The following MTMR7 variants were observed in gnomAD, a reference collection of about 807,000 sequenced individuals.
The protein encoded by MTMR7 is myotubularin related protein 7.
A neutral mutation model predicts 81.2 loss-of-function variants in MTMR7; 76 were observed. The observed-to-expected ratio is 0.94, with a 90% CI of 0.78 to 1.13. MTMR7 has a LOEUF of 1.13. Among genes scored for constraint, MTMR7 ranks in the 50% most tolerant of loss-of-function variants. MTMR7 has a pLI of 0.00. For synonymous variants in MTMR7, 372 were observed against 289.8 expected, an observed-to-expected ratio of 1.28 and a Z score of -2.88; for missense variants, 1,044 against 820.0, an observed-to-expected ratio of 1.27 and a Z score of -3.34.
At chr8:17,367,259 G>A (rs911431853) in intron 3 of MTMR7, among the ~76,000 whole-genome samples, 2 of 151,990 alleles carry the variant, frequency 1.3e-5, no homozygotes, top group East Asian at 3.9e-4. Flanking sequence ...TAGGAAAAGG[G>A]GGAAAACAAA....
intron 1 of MTMR7, among the ~76,000 whole-genome samples, chr8:17,398,801 C>T (rs1053367965): frequency 2.0e-5 from 3 of 150,730 alleles, no homozygotes; most frequent in Non-Finnish European, 1.5e-5. Context: ...AGAGATGCAA[C>T]AAAAAAGTTA....
intron 1 of MTMR7, among the ~76,000 whole-genome samples, chr8:17,379,803 GT>G (rs977686531): frequency 6.6e-6 from 1 of 152,002 alleles, no homozygotes; most frequent in East Asian, 1.9e-4. Context: ...TTTTGTTTTT[GT>G]TTTTTTAATT....
At chr8:17,366,941 C>T (rs1284600464) in intron 3 of MTMR7, among the ~76,000 whole-genome samples, 1 of 147,430 alleles carries the variant, frequency 6.8e-6, no homozygotes, top group African/African-American at 2.6e-5. Flanking sequence ...GAAGATAATA[C>T]AGCTATTACT....
intron 1 of MTMR7, among the ~76,000 whole-genome samples, chr8:17,400,697 ATT>A (rs1821400997): frequency 6.6e-6 from 1 of 152,234 alleles, no homozygotes; most frequent in African/African-American, 2.4e-5. Context: ...ATTGCACAAT[ATT>A]TAACAGCTGT....
At position 17,302,257 on chromosome 8, in the gene MTMR7, C is replaced by T. The variant is rs750208861; in HGVS notation, c.1517G>A (p.Arg506His). The change falls in exon 13 of 14, where the codon CGC becomes CAC. Residue 506 changes from arginine to histidine, a missense_variant. Physicochemically the swap from Arg to His is conservative, Grantham distance 29 (BLOSUM62 0). Coordinates refer to ENST00000180173, the MANE Select transcript of MTMR7 (RefSeq NM_004686.5). ...MYKFWSGMYN[R>H]FEKGMQPRQS... ...TCGGGGCTGCATCCCCTTTTCAAAG[C>T]GGTTATACATTCCACTCCAAAACCT... 24 of 1,613,860 alleles carry T rather than the reference C, an allele frequency of 1.5e-5. No homozygotes were observed. Among genetic ancestry groups the T allele is most frequent in the African/African-American group, 6.7e-5 (5 of 75,008 alleles).
At chr8:17,375,683 A>G (rs947442980) in intron 1 of MTMR7, among the ~76,000 whole-genome samples, 5 of 152,294 alleles carry the variant, frequency 3.3e-5, no homozygotes, top group Middle Eastern at 3.4e-3. Flanking sequence ...GAGTTTTTAT[A>G]ACTGCGTCCT....
chr8:17,365,443 C>T (rs1820195277), intron 3 of MTMR7, among the ~76,000 whole-genome samples: 1 of 152,152 alleles, frequency 6.6e-6, no homozygotes, highest in South Asian at 2.1e-4. Flanking sequence ...TTTGCCCACT[C>T]TAGGAAGGTC....
intron 13 of MTMR7, among the ~76,000 whole-genome samples, chr8:17,300,692 C>T (rs906883420): frequency 1.2e-4 from 18 of 152,172 alleles, no homozygotes; most frequent in South Asian, 6.2e-4. Flanking sequence ...GGTTGTGCAA[C>T]GATCACTACT....
intron 6 of MTMR7, among the ~76,000 whole-genome samples, chr8:17,332,720 A>G (rs1019849469): frequency 1.8e-4 from 27 of 152,162 alleles, no homozygotes; most frequent in Non-Finnish European, 2.9e-5. Context: ...TAAGTCAGAG[A>G]CCCTCTGTGC....
chr8:17,409,377 C>G (rs547746352), intron 1 of MTMR7, among the ~76,000 whole-genome samples: 2 of 152,162 alleles, frequency 1.3e-5, no homozygotes, highest in East Asian at 1.9e-4. Context: ...GGAGAATCAC[C>G]TGAACCCAGG....
Position 17,311,586 on chromosome 8 carries a change from C to T in MTMR7, c.1026G>A (p.Trp342Ter). ...CCGAGCACACCTGAGCGGTCCTGTC[C>T]CAGCCATCAGAACAGTGAACAAGCA... ...ASVLVHCSDGWDRTAQVCSVA... is the reference protein window; with the variant it reads ...ASVLVHCSDG Residue 342 changes from tryptophan to a stop codon, truncating the protein, a stop_gained, in exon 9 of 14, where the codon TGG (tryptophan) becomes TGA (stop). Coordinates refer to ENST00000180173, the MANE Select transcript of MTMR7 (RefSeq NM_004686.5). LOFTEE classifies it high-confidence loss of function. 1 of 1,614,108 alleles carries T rather than the reference C, an allele frequency of 6.2e-7. No individual in the cohort carries two copies. Among genetic ancestry groups the T allele is most frequent in the Non-Finnish European group, 8.5e-7 (1 of 1,180,022 alleles).
At chr8:17,312,339 C>T (rs1817827138) in intron 8 of MTMR7, among the ~76,000 whole-genome samples, 1 of 152,140 alleles carries the variant, frequency 6.6e-6, no homozygotes, top group Non-Finnish European at 1.5e-5. Flanking sequence ...CTTTGGGAGG[C>T]CGTGGCGGGT....
At chr8:17,301,235 G>A (rs1817089933) in intron 13 of MTMR7, among the ~76,000 whole-genome samples, 1 of 152,200 alleles carries the variant, frequency 6.6e-6, no homozygotes, top group Non-Finnish European at 1.5e-5. Flanking sequence ...GCAGAGAGAG[G>A]CAGAGTTCAT....
intron 7 of MTMR7, among the ~76,000 whole-genome samples, chr8:17,316,293 ATATT>A (rs1273969035): frequency 2.0e-5 from 3 of 152,044 alleles, no homozygotes; most frequent in East Asian, 1.9e-4. Context: ...ATTTACATAT[ATATT>A]ATAGTCTGCA....
intron 4 of MTMR7, among the ~76,000 whole-genome samples, chr8:17,349,879 T>C (rs925031418): frequency 1.3e-5 from 2 of 152,184 alleles, no homozygotes; most frequent in Admixed American, 1.3e-4. Context: ...TGGCTCTGAC[T>C]GAGCAACTTC....
intron 8 of MTMR7, 159 bp from the exon 9 acceptor site, chr8:17,311,795 G>C (rs1297331255): frequency 1.8e-6 from 2 of 1,128,312 alleles, no homozygotes; most frequent in African/African-American, 3.1e-5. Context: ...TTAGGGCAGA[G>C]CCAGAGTGGC....
At chr8:17,355,573 T>TAAA (rs796144712) in intron 4 of MTMR7, among the ~76,000 whole-genome samples, 1 of 143,610 alleles carries the variant, frequency 7.0e-6, no homozygotes, top group African/African-American at 2.5e-5. Context: ...ATTAAAAAAT[T>TAAA]AAAAAAAAAA....
intron 10 of MTMR7, among the ~76,000 whole-genome samples, chr8:17,307,838 G>A (rs1024337280): frequency 6.6e-6 from 1 of 150,722 alleles, no homozygotes; most frequent in African/African-American, 2.4e-5. Flanking sequence ...ACTGAACAAT[G>A]AGAACACAAG....
At chr8:17,339,039 T>C (rs1424641554) in intron 6 of MTMR7, 2 of 152,156 alleles carry the variant, frequency 1.3e-5, no homozygotes, top group African/African-American at 4.8e-5. Context: ...TCATAATACT[T>C]GGTGACATGA....
Sources: gnomAD v4.1 joint callset for allele counts (sites outside exome capture counted in the v4.1 genomes callset) on GRCh38, gnomAD v4.1.1 for gene constraint, MANE v1.5 for transcripts, NCBI Gene and HGNC (gene_info 2026-07-23, HGNC 2026-07-21) for gene names.